The following RBFOX1 variants were observed in gnomAD, a reference collection of about 807,000 sequenced individuals.
RBFOX1 encodes RNA binding protein fox-1 homolog 1.
RBFOX1 carries 8 observed loss-of-function variants against 57.7 expected under a neutral mutation model. The ratio of observed to expected loss-of-function variants is 0.14; its 90% CI spans 0.08 to 0.25. The LOEUF (loss-of-function observed/expected upper bound fraction) is 0.25, where lower values mean the gene tolerates loss of function less well. Among genes scored for constraint, RBFOX1 ranks in the 10% least tolerant of loss-of-function variants. The pLI, the probability that RBFOX1 is intolerant of heterozygous loss-of-function variation, is 1.00. For missense variants in RBFOX1, 611 were observed against 548.5 expected (o/e 1.11, Z -1.14); for synonymous variants, 326 against 222.4 (o/e 1.47, Z -4.15).
chr16:6,535,311 T>C (rs1599133393), intron 2 of RBFOX1, among the ~76,000 whole-genome samples: 2 of 152,176 alleles, frequency 1.3e-5, no homozygotes, highest in African/African-American at 2.4e-5. Context: ...CTGGAAAAAG[T>C]GAACCCAGAG....
intron 2 of RBFOX1, among the ~76,000 whole-genome samples, chr16:6,417,913 T>C (rs2093669909): frequency 6.6e-6 from 1 of 152,118 alleles, no homozygotes; most frequent in Non-Finnish European, 1.5e-5. Context: ...AAAGGATGTA[T>C]GTTTTCCCTT....
intron 1 of RBFOX1, chr16:5,260,873 C>G (rs527966855): frequency 6.6e-6 from 1 of 152,222 alleles, no homozygotes; most frequent in African/African-American, 2.4e-5. Context: ...CGTTGTTTAA[C>G]CACCATCAAA....
At chr16:6,825,938 G>C (rs1029710081) in intron 3 of RBFOX1, among the ~76,000 whole-genome samples, 1 of 152,142 alleles carries the variant, frequency 6.6e-6, no homozygotes, top group Non-Finnish European at 1.5e-5. Flanking sequence ...TGGTTGTACC[G>C]CAGGGTGCTC....
intron 4 of RBFOX1, among the ~76,000 whole-genome samples, chr16:7,505,398 A>C (rs759723097): frequency 6.6e-6 from 1 of 152,164 alleles, no homozygotes; most frequent in Non-Finnish European, 1.5e-5. Context: ...AAAAGTGAGA[A>C]ACTCCATCTT....
At chr16:7,011,397 A>C (rs2153656149) in intron 3 of RBFOX1, among the ~76,000 whole-genome samples, 1 of 152,334 alleles carries the variant, frequency 6.6e-6, no homozygotes, top group South Asian at 2.1e-4. Flanking sequence ...GATTGAAACC[A>C]GGCGGGCTGT....
chr16:6,584,555 G>C (rs2097580265), intron 2 of RBFOX1, among the ~76,000 whole-genome samples: 3 of 151,892 alleles, frequency 2.0e-5, no homozygotes, highest in African/African-American at 7.3e-5. Flanking sequence ...TATTAGCAGA[G>C]ATAGGGTTTT....
chr16:6,696,544 T>C lies in RBFOX1; in HGVS notation c.-16+41894T>C, dbSNP rs563304368. 1.9e-4 allele frequency among the ~76,000 whole-genome samples: 29 copies of C among 152,332 alleles called. No individual in the cohort carries two copies. The South Asian group carries it at 5.6e-3, about 29-fold the overall frequency. ...TAGATGGAGAACTTCAAATATTTAT[T>C]TGAGGTTTAATTCGAGTAATTTAGG... is the stretch of plus-strand genomic sequence containing the variant. On this transcript the variant is annotated intron_variant, in intron 3 of 15. Coordinates refer to ENST00000550418, the MANE Select transcript of RBFOX1 (RefSeq NM_018723.4).
At chr16:7,138,857 G>T (rs886522031) in intron 4 of RBFOX1, among the ~76,000 whole-genome samples, 1 of 152,170 alleles carries the variant, frequency 6.6e-6, no homozygotes, top group South Asian at 2.1e-4. Flanking sequence ...TGCCTAGCCT[G>T]GAGTGCAATG....
At chr16:6,961,514 G>A (rs1480699779) in intron 3 of RBFOX1, among the ~76,000 whole-genome samples, 2 of 152,214 alleles carry the variant, frequency 1.3e-5, no homozygotes, top group Non-Finnish European at 2.9e-5. Flanking sequence ...GAATCAGAGC[G>A]AGTCCGTAAA....
chr16:6,084,499 C>G (rs763242193), intron 1 of RBFOX1, among the ~76,000 whole-genome samples: 2 of 152,166 alleles, frequency 1.3e-5, no homozygotes, highest in African/African-American at 2.4e-5. Flanking sequence ...CAGCCTCTGC[C>G]TCCCAAAATG....
At chr16:6,288,515 C>G (rs753513727) in intron 1 of RBFOX1, among the ~76,000 whole-genome samples, 2 of 152,174 alleles carry the variant, frequency 1.3e-5, no homozygotes, top group Non-Finnish European at 2.9e-5. Flanking sequence ...GATTTTGTGA[C>G]AAACCACATA....
intron 3 of RBFOX1, among the ~76,000 whole-genome samples, chr16:5,836,840 G>A: frequency 6.6e-6 from 1 of 152,272 alleles, no homozygotes; most frequent in East Asian, 1.9e-4. Flanking sequence ...GAGAATGCTT[G>A]TCCACATCAG....
chr16:7,360,140 A>G (rs937424061), intron 4 of RBFOX1, among the ~76,000 whole-genome samples: 5 of 152,200 alleles, frequency 3.3e-5, no homozygotes, highest in African/African-American at 2.4e-5. Flanking sequence ...ATGGAACTTT[A>G]TCTCATGTAT....
chr16:5,327,604 CT>C (rs761440339), intron 1 of RBFOX1, among the ~76,000 whole-genome samples: 6 of 152,112 alleles, frequency 3.9e-5, no homozygotes, highest in Non-Finnish European at 7.4e-5. Flanking sequence ...TTCTGGTACC[CT>C]GGTTGGCAAA....
At chr16:7,541,336 C>G (rs1170244323) in intron 5 of RBFOX1, among the ~76,000 whole-genome samples, 1 of 152,200 alleles carries the variant, frequency 6.6e-6, no homozygotes, top group Non-Finnish European at 1.5e-5. Flanking sequence ...AGGACCAGCT[C>G]CACGTGAAGC....
At chr16:7,178,769 A>G (rs1338125592) in intron 4 of RBFOX1, among the ~76,000 whole-genome samples, 1 of 152,212 alleles carries the variant, frequency 6.6e-6, no homozygotes, top group Non-Finnish European at 1.5e-5. Flanking sequence ...AGCACATTAT[A>G]CTGACCAAAT....
chr16:7,575,371 G>A (rs112629184), intron 5 of RBFOX1, among the ~76,000 whole-genome samples: 2,823 of 152,190 alleles, frequency 0.019, 36 homozygotes, highest in Middle Eastern at 0.054. Context: ...CTTACCTCAT[G>A]ATCTGCCCCG....
chr16:7,502,265 ACT>A (rs1261742581), intron 4 of RBFOX1, among the ~76,000 whole-genome samples: 228 of 152,366 alleles, frequency 1.5e-3, no homozygotes, highest in African/African-American at 5.3e-3. Context: ...ACACCTGATT[ACT>A]ATGTGCGGAA....
chr16:5,993,992 C>T (rs893860628), intron 4 of RBFOX1, among the ~76,000 whole-genome samples: 1 of 152,114 alleles, frequency 6.6e-6, no homozygotes, highest in African/African-American at 2.4e-5. Context: ...GGGACGGTTC[C>T]TCTGAAAGCA....
Sources: allele counts gnomAD v4.1 joint callset (sites outside exome capture counted in the v4.1 genomes callset), GRCh38; gene constraint gnomAD v4.1.1; transcripts MANE v1.5; gene names NCBI Gene and HGNC (gene_info 2026-07-23, HGNC 2026-07-21).